MAT1A: variants seen among roughly 807,000 people sequenced by gnomAD.
MAT1A encodes the protein methionine adenosyltransferase 1A.
MAT1A carries 19 observed loss-of-function variants against 44.0 expected under a neutral mutation model. That is an observed-to-expected ratio of 0.43 (90% CI 0.30 to 0.63). The LOEUF is 0.63. MAT1A is among the 30% of genes least tolerant of loss of function. The pLI, the probability that MAT1A is intolerant of heterozygous loss-of-function variation, is 0.12. For synonymous variants in MAT1A, 205 were observed against 205.6 expected, an observed-to-expected ratio of 1.00 and a Z score of 0.03; for missense variants, 397 against 531.0, an observed-to-expected ratio of 0.75 and a Z score of 2.48.
In MAT1A at chr10:80,276,492, T is replaced by A. The variant is rs1841487155; in HGVS notation, c.652A>T (p.Met218Leu). 6.2e-7 allele frequency: 1 copy of A among 1,614,156 alleles called. No individual in the cohort carries two copies. Among genetic ancestry groups the A allele is most frequent in the African/African-American group, 1.3e-5 (1 of 75,052 alleles). ...QHNEDITLEE[M>L]RRALKEQVIR... ...ACTTGCTCCTTCAGGGCCCTGCGCATCTCCTCCAGCGTGATGTCTTCGTTG... is the reference window on the plus strand; with the variant it reads ...ACTTGCTCCTTCAGGGCCCTGCGCAACTCCTCCAGCGTGATGTCTTCGTTG... Residue 218 changes from methionine to leucine, a missense_variant, in exon 6 of 9, where the codon ATG becomes TTG. Coordinates refer to ENST00000372213, the MANE Select transcript of MAT1A (RefSeq NM_000429.3).
At chr10:80,274,769 T>A (rs375426682) in intron 7 of MAT1A, 116 bp from the exon 8 acceptor site, 22 of 1,402,402 alleles carry the variant, frequency 1.6e-5, no homozygotes, top group Admixed American at 5.7e-5. Flanking sequence ...TTGCCCCACA[T>A]GCTCCCCTGC....
At position 80,280,804 on chromosome 10, in the gene MAT1A, CAA is replaced by C. The variant is rs1371713882; in HGVS notation, c.293-14_293-13del. ...CTTGAAGTCAAAGCCTAGGCGGAAG[CAA>C]AGTGAGCCTAAGTGGGGAACAGGTC... On this transcript the variant is annotated splice_polypyrimidine_tract_variant and intron_variant, in intron 3 of 8. Transcript: ENST00000372213. 2 of 1,601,186 alleles carry C rather than the reference CAA, an allele frequency of 1.2e-6. No homozygotes were observed. The highest frequency in any genetic ancestry group is 1.7e-6 in the Non-Finnish European group (2 of 1,168,304).
At chr10:80,284,122 G>A in intron 2 of MAT1A, 84 bp from the exon 3 acceptor site, 2 of 1,542,446 alleles carry the variant, frequency 1.3e-6, no homozygotes, top group Admixed American at 1.9e-5. Flanking sequence ...TCACAGTGCA[G>A]ACAGAAAAGA....
At chr10:80,273,962 G>T (rs759210401) in intron 8 of MAT1A, 79 bp from the exon 9 acceptor site, 72 of 1,041,274 alleles carry the variant, frequency 6.9e-5, no homozygotes, top group Non-Finnish European at 9.1e-6. Context: ...AGGACAGGAG[G>T]GAGCAACGAA....
chr10:80,280,185 G>C lies in MAT1A; in HGVS notation c.537C>G (p.Asp179Glu). 6.2e-7 allele frequency: 1 copy of C among 1,614,118 alleles called. No individual in the cohort carries two copies. Among genetic ancestry groups the C allele is most frequent in the Non-Finnish European group, 8.5e-7 (1 of 1,180,024 alleles). ...TTCAGCTGCTCACCTGAGTCTTAGAGTCAGGCCGCAGCCAGGGGAGGAGGC... is the reference window on the plus strand; with the variant it reads ...TTCAGCTGCTCACCTGAGTCTTAGACTCAGGCCGCAGCCAGGGGAGGAGGC... ...RSGLLPWLRP[D>E]SKTQVTVQYM... is the part of the protein sequence containing the mutation. The change falls in exon 5 of 9, where the codon GAC becomes GAG. Residue 179 changes from aspartate (D) to glutamate (E), a missense_variant. Coordinates refer to ENST00000372213, the MANE Select transcript of MAT1A (RefSeq NM_000429.3).
intron 5 of MAT1A, among the ~76,000 whole-genome samples, chr10:80,278,386 A>C (rs555639868): frequency 1.3e-5 from 2 of 152,212 alleles, no homozygotes; most frequent in South Asian, 4.2e-4. Context: ...GGAAGAGAAA[A>C]AACAGTCAGA....
chr10:80,282,829 C>T (rs1841586337), intron 3 of MAT1A, among the ~76,000 whole-genome samples: 1 of 152,176 alleles, frequency 6.6e-6, no homozygotes, highest in African/African-American at 2.4e-5. Flanking sequence ...GGGGGTCCAG[C>T]ACCCTGACCC....
Position 80,289,524 on chromosome 10 carries a change from A to C in MAT1A, c.-101T>G. The C allele has an allele frequency of 4.4e-6, 4 of 912,120 alleles. No homozygotes were observed. Among genetic ancestry groups the C allele is most frequent in the Non-Finnish European group, 7.2e-6 (4 of 556,652 alleles). 56.5% of individuals were successfully genotyped at this position (912,120 alleles called of 1,614,324 possible). ...TTCTTCTTCTTCTTCTTTCAACCCA[A>C]CAGGCTTGTCTTTGGCAGAGCCACG... On this transcript the variant is annotated 5_prime_UTR_variant, in exon 1 of 9. Coordinates refer to ENST00000372213, the MANE Select transcript of MAT1A (RefSeq NM_000429.3).
At chr10:80,274,371 G>A in intron 8 of MAT1A, 149 bp downstream of exon 8, 6 of 1,141,522 alleles carry the variant, frequency 5.3e-6, no homozygotes, top group Non-Finnish European at 7.8e-6. Context: ...TTCTGCACTG[G>A]GGATGCACTG....
At position 80,276,478 on chromosome 10, in the gene MAT1A, C is replaced by T. The variant is rs1277479940; in HGVS notation, c.666G>A (p.Leu222=). 1.2e-5 allele frequency: 20 copies of T among 1,614,060 alleles called. No individual in the cohort carries two copies. The highest frequency in any genetic ancestry group is 1.5e-5 in the Non-Finnish European group (18 of 1,180,052). ...DITLEEMRRA[L]KEQVIRAVVP... is the part of the protein sequence containing the mutation. ...CCACGGCCCTGATGACTTGCTCCTT[C>T]AGGGCCCTGCGCATCTCCTCCAGCG... Residue 222 remains leucine, a synonymous_variant, in exon 6 of 9, where the codon CTG becomes CTA. Transcript: ENST00000372213.
Position 80,273,847 on chromosome 10 carries a change from T to G in MAT1A, c.1122A>C (p.Thr374=). 6.2e-7 allele frequency: 1 copy of G among 1,613,476 alleles called. No homozygotes were observed. Among genetic ancestry groups the G allele is most frequent in the Non-Finnish European group, 8.5e-7 (1 of 1,179,432 alleles). Residue 374 remains threonine (T), a synonymous_variant, in exon 9 of 9, where the codon ACA becomes ACC. Transcript: ENST00000372213. ...TTCTTCCGAAATGGCCGTAGCATGC[T>G]GTCTTCTGGTAGATGGGCTTCTTCA... ...LDLKKPIYQK[T]ACYGHFGRSE... is the part of the protein sequence containing the mutation.
At chr10:80,274,483 G>T (rs1841453725) in intron 8 of MAT1A, 37 bp downstream of exon 8, 3 of 1,613,616 alleles carry the variant, frequency 1.9e-6, no homozygotes, top group Non-Finnish European at 2.5e-6. Flanking sequence ...CAAGGAAGGA[G>T]CAAGGTCCTG....
At position 80,276,514 on chromosome 10, in the gene MAT1A, G is replaced by A. The variant is rs1457537108; in HGVS notation, c.630C>T (p.Asn210=). 25 of 1,614,036 alleles carry A rather than the reference G, an allele frequency of 1.5e-5. No homozygotes were observed. Among genetic ancestry groups the A allele is most frequent in the African/African-American group, 5.3e-5 (4 of 74,950 alleles). Residue 210 remains asparagine (N), a synonymous_variant, in exon 6 of 9, where the codon AAC becomes AAT. Coordinates refer to ENST00000372213, the MANE Select transcript of MAT1A (RefSeq NM_000429.3). ...GCATCTCCTCCAGCGTGATGTCTTC[G>A]TTGTGCTGCACAGAGATGACGATGG... ...IHTIVISVQH[N]EDITLEEMRR... is the part of the protein sequence containing the mutation.
At chr10:80,284,673 C>G (rs1031314897) in intron 2 of MAT1A, among the ~76,000 whole-genome samples, 6 of 152,336 alleles carry the variant, frequency 3.9e-5, no homozygotes, top group South Asian at 2.1e-4. Flanking sequence ...GCACCCTACC[C>G]CATGGCCTTG....
chr10:80,284,611 CA>C (rs1468062690), intron 2 of MAT1A, among the ~76,000 whole-genome samples: 3 of 152,340 alleles, frequency 2.0e-5, no homozygotes, highest in African/African-American at 7.2e-5. Context: ...GTGCAGTGGA[CA>C]AGACATGACA....
intron 2 of MAT1A, 28 bp downstream of exon 2, chr10:80,285,476 TAGGTCTCC>T: frequency 6.3e-7 from 1 of 1,578,002 alleles, no homozygotes; most frequent in Non-Finnish European, 8.7e-7. Flanking sequence ...CTAGCCCACT[TAGGTCTCC>T]AGCAGGGAGG....
rs78208647 is a variant in MAT1A, at chr10:80,278,315, C to G, written c.550-1721G>C. ...AGAAACCTTCTATTTCATATCTAAG[C>G]ACAATGAACCTGTTTCAGCAGGTCC... On this transcript the variant is annotated intron_variant, in intron 5 of 8. Coordinates refer to ENST00000372213, the MANE Select transcript of MAT1A (RefSeq NM_000429.3). 7.9e-3 allele frequency among the ~76,000 whole-genome samples: 1,185 copies of G among 150,782 alleles called. 17 individuals carry two copies. Among genetic ancestry groups the G allele is most frequent in the African/African-American group, 0.027 (1,124 of 41,206 alleles).
chr10:80,286,510 G>T (rs1425805721), intron 1 of MAT1A, among the ~76,000 whole-genome samples: 1 of 152,180 alleles, frequency 6.6e-6, no homozygotes, highest in Admixed American at 6.5e-5. Context: ...CCGAAAGCCA[G>T]GTGTCCTTAG....
At chr10:80,284,106 G>A in intron 2 of MAT1A, 68 bp from the exon 3 acceptor site, 1 of 1,586,808 alleles carries the variant, frequency 6.3e-7, no homozygotes, top group Non-Finnish European at 8.6e-7. Flanking sequence ...CACATTCCCA[G>A]ACCTCTCACA....
Sources: allele counts gnomAD v4.1 joint callset (sites outside exome capture counted in the v4.1 genomes callset), GRCh38; gene constraint gnomAD v4.1.1; transcripts MANE v1.5; gene names NCBI Gene and HGNC (gene_info 2026-07-23, HGNC 2026-07-21).